TLN1: variants seen among roughly 807,000 people sequenced by gnomAD.
The protein encoded by TLN1 is talin 1.
Under a neutral mutation model 292.3 loss-of-function variants are expected in TLN1, and 56 were observed. That is an observed-to-expected ratio of 0.19 (90% CI 0.15 to 0.24). The LOEUF (loss-of-function observed/expected upper bound fraction) is 0.24. Ranked by LOEUF, TLN1 falls within the 10% of genes least tolerant of loss-of-function variation. TLN1 has a pLI of 1.00. For synonymous variants in TLN1, 1,119 were observed against 1,253.7 expected, an observed-to-expected ratio of 0.89 and a Z score of 2.27; for missense variants, 2,433 against 3,248.2, an observed-to-expected ratio of 0.75 and a Z score of 6.10.
rs1825656513 is a variant in TLN1, at chr9:35,710,892, T to C, written c.4114-6A>G. The C allele has an allele frequency of 6.2e-7, 1 of 1,614,124 alleles. No individual in the cohort carries two copies. Among genetic ancestry groups the C allele is most frequent in the African/African-American group, 1.3e-5 (1 of 75,024 alleles). ...TCCAGGAGTTCCCGGACCGTCTGTG[T>C]AGGGGGAGGGCAAAGTGAGATCCAA... On this transcript the variant is annotated splice_region_variant and splice_polypyrimidine_tract_variant and intron_variant, in intron 31 of 56. Coordinates refer to ENST00000314888, the MANE Select transcript of TLN1 (RefSeq NM_006289.4).
At chr9:35,708,005 A>T in intron 34 of TLN1, 113 bp from the exon 35 acceptor site, 1 of 1,255,760 alleles carries the variant, frequency 8.0e-7, no homozygotes, top group South Asian at 1.4e-5. Context: ...GAGTCAAAAC[A>T]GGAATAACAG....
Position 35,703,604 on chromosome 9 carries a change from G to C in TLN1, c.6430C>G (p.Arg2144Gly). 6.2e-7 allele frequency: 1 copy of C among 1,614,156 alleles called. No individual in the cohort carries two copies. Among genetic ancestry groups the C allele is most frequent in the Non-Finnish European group, 8.5e-7 (1 of 1,180,024 alleles). ...AVEDEATKGTRALEATTEHIR... is the reference protein window; with the variant it reads ...AVEDEATKGTGALEATTEHIR... ...TGTTCTGTGGTTGCCTCCAGGGCCC[G>C]AGTGCCTTTGGTGGCCTCATCTTCC... Residue 2144 changes from arginine (R) to glycine (G), a missense_variant, in exon 48 of 57, where the codon CGG (arginine) becomes GGG (glycine). Around this residue, in one of 7 missense-constraint regions of TLN1, gnomAD observed 1,384 missense variants for 1,699.6 expected, o/e 0.81. Transcript: ENST00000314888.
chr9:35,699,216 G>A lies in TLN1; in HGVS notation c.6875-60C>T, dbSNP rs1825421486. 8 of 1,577,066 alleles carry A rather than the reference G, an allele frequency of 5.1e-6. No individual in the cohort carries two copies. On this transcript the variant is annotated intron_variant, in intron 51 of 56. Transcript: ENST00000314888. The surrounding 1 kb of genome is among the most constrained non-coding windows in gnomAD (Gnocchi z 4.0). ...CAGAGTGGGGAGGTCAAAAGCACCA[G>A]GGAGCATGGTTAGTATCATCAGGCC... is the stretch of plus-strand genomic sequence containing the variant.
chr9:35,715,111 G>A lies in TLN1; in HGVS notation c.2702C>T (p.Thr901Ile), dbSNP rs1378368988. The part of the protein sequence containing the change: ...REAAEGLRMA[T>I]NAAAQNAIKK... ...GATGGCATTCTGCGCAGCTGCATTG[G>A]TGGCCATGCGCAGCCCCTCAGCTGC... is the stretch of plus-strand genomic sequence containing the variant. Residue 901 changes from threonine (T) to isoleucine (I), a missense_variant, in exon 21 of 57, where the codon ACC (threonine) becomes ATC (isoleucine). This residue lies in a region of TLN1 where 617 missense variants were observed against 770.6 expected (regional missense o/e 0.80). Transcript: ENST00000314888. 6.2e-7 allele frequency: 1 copy of A among 1,613,250 alleles called. No individual in the cohort carries two copies. Among genetic ancestry groups the A allele is most frequent in the South Asian group, 1.1e-5 (1 of 91,044 alleles).
In TLN1 at chr9:35,725,431, G is replaced by A. The variant is rs536192564; in HGVS notation, c.131-110C>T. 21 of 1,534,748 alleles carry A rather than the reference G, an allele frequency of 1.4e-5. No individual in the cohort carries two copies. The East Asian group carries it at 2.5e-4, about 18-fold the overall frequency. On this transcript the variant is annotated intron_variant, in intron 2 of 56. Coordinates refer to ENST00000314888, the MANE Select transcript of TLN1 (RefSeq NM_006289.4). ...TCCCATGACCTTGGGCCTAAAGAAC[G>A]AGGGAACCATGGAACACAGACCTGA...
At position 35,719,474 on chromosome 9, in the gene TLN1, A is replaced by G. The variant is rs371313852; in HGVS notation, c.1687+45T>C. Reference sequence around the variant, plus strand: ...CACATGCATGCCTGTGCACACTTGCACCCCCTCTCCCCATCACACACCCGG... The same window carrying G: ...CACATGCATGCCTGTGCACACTTGCGCCCCCTCTCCCCATCACACACCCGG... On this transcript the variant is annotated intron_variant, in intron 15 of 56. Transcript: ENST00000314888. This position sits in a 1 kb window ranked among gnomAD's most constrained non-coding sequence, Gnocchi z 4.6. The G allele has an allele frequency of 6.4e-7, 1 of 1,550,892 alleles. No individual in the cohort carries two copies. The highest frequency in any genetic ancestry group is 1.4e-5 in the African/African-American group (1 of 73,626).
At position 35,698,721 on chromosome 9, in the gene TLN1, C is replaced by G. The variant is rs752676112; in HGVS notation, c.7126-42G>C. ...AGCCTACTTAGACCTGCATTTTCCTCACTTCAAAGACTCGCTGGCTATGGA... is the reference window on the plus strand; with the variant it reads ...AGCCTACTTAGACCTGCATTTTCCTGACTTCAAAGACTCGCTGGCTATGGA... On this transcript the variant is annotated intron_variant, in intron 53 of 56. Coordinates refer to ENST00000314888, the MANE Select transcript of TLN1 (RefSeq NM_006289.4). This position sits in a 1 kb window ranked among gnomAD's most constrained non-coding sequence, Gnocchi z 5.3. The G allele has an allele frequency of 6.2e-7, 1 of 1,614,130 alleles. No individual in the cohort carries two copies. Among genetic ancestry groups the G allele is most frequent in the East Asian group, 2.2e-5 (1 of 44,882 alleles).
rs1313613425 is a variant in TLN1 at position 35,720,525 on chromosome 9, A to G, written c.1207-16T>C. On this transcript the variant is annotated splice_polypyrimidine_tract_variant and intron_variant, in intron 11 of 56. Transcript: ENST00000314888. The stretch of plus-strand genomic sequence containing the variant: ...TGCTTTTTTTCTGTAGGAAGGAAAA[A>G]GGAACAAGAGTTGGGATAGTTAAAG... 1.2e-6 allele frequency: 2 copies of G among 1,612,940 alleles called. No individual in the cohort carries two copies. The highest frequency in any genetic ancestry group is 1.1e-5 in the South Asian group (1 of 91,050).
chr9:35,726,687 T>G (rs1432100823), intron 1 of TLN1, among the ~76,000 whole-genome samples: 2 of 152,222 alleles, frequency 1.3e-5, no homozygotes, highest in Admixed American at 1.3e-4. Flanking sequence ...GCGGGGGCCT[T>G]CTGAAGGAGC....
chr9:35,710,785 G>C lies in TLN1; in HGVS notation c.4203+12C>G. On this transcript the variant is annotated intron_variant, in intron 32 of 56. Transcript: ENST00000314888. ...ACTGCCCTCTCTCCTCCGAGTTCCT[G>C]GCTGTGCTGACCTTTGAGTTCTCCA... is the stretch of plus-strand genomic sequence containing the variant. 1 of 1,614,154 alleles carries C rather than the reference G, an allele frequency of 6.2e-7. No individual in the cohort carries two copies. Among genetic ancestry groups the C allele is most frequent in the Non-Finnish European group, 8.5e-7 (1 of 1,179,988 alleles).
Position 35,707,732 on chromosome 9 carries a change from T to C in TLN1, c.4631A>G (p.Lys1544Arg), listed in dbSNP as rs1424133597. The C allele has an allele frequency of 3.1e-6, 5 of 1,614,020 alleles. No individual in the cohort carries two copies. The highest frequency in any genetic ancestry group is 1.7e-5 in the Admixed American group (1 of 60,006). ...GCTGGGAATTCAAGCAATGGGAACC[T>C]TGATGGTCTTGACAAGATTAGCTGT... The part of the protein sequence containing the change: ...NSTANLVKTI[K>R]ALDGAFTEEN... The change falls in exon 35 of 57, where the codon AAG becomes AGG. Residue 1544 changes from lysine to arginine, a missense_variant and splice_region_variant. Physicochemically the swap from Lys to Arg is conservative, Grantham distance 26 (BLOSUM62 2). Around this residue, in one of 7 missense-constraint regions of TLN1, gnomAD observed 1,384 missense variants for 1,699.6 expected, o/e 0.81. Coordinates refer to ENST00000314888, the MANE Select transcript of TLN1 (RefSeq NM_006289.4). The surrounding 1 kb of genome is among the most constrained non-coding windows in gnomAD (Gnocchi z 5.6).
chr9:35,713,378 G>A, intron 25 of TLN1, 80 bp from the exon 26 acceptor site: 1 of 1,160,678 alleles, frequency 8.6e-7, no homozygotes, highest in Non-Finnish European at 1.2e-6. Flanking sequence ...TTGGGGACAG[G>A]TGGCAATTTA....
Position 35,720,418 on chromosome 9 carries a change from C to G in TLN1, c.1283+15G>C. 1 of 1,613,800 alleles carries G rather than the reference C, an allele frequency of 6.2e-7. No individual in the cohort carries two copies. The highest frequency in any genetic ancestry group is 8.5e-7 in the Non-Finnish European group (1 of 1,179,784). On this transcript the variant is annotated intron_variant, in intron 12 of 56. Coordinates refer to ENST00000314888, the MANE Select transcript of TLN1 (RefSeq NM_006289.4). The stretch of plus-strand genomic sequence containing the variant: ...CTACCCCTGGGAAATGGGATCAGCC[C>G]AACTCCCTTCGTACTTTTTGGGGGA...
Position 35,718,873 on chromosome 9 carries a change from C to T in TLN1, c.1934G>A (p.Gly645Asp). The change falls in exon 17 of 57, where the codon GGC (glycine) becomes GAC (aspartate). Residue 645 changes from glycine to aspartate, a missense_variant. Around this residue, in one of 7 missense-constraint regions of TLN1, gnomAD observed 617 missense variants for 770.6 expected, o/e 0.80. Coordinates refer to ENST00000314888, the MANE Select transcript of TLN1 (RefSeq NM_006289.4). ...TTGCAACAGCTCCCCACTGGCCTGG[C>T]CCACGTTCCCAGCTGCTTGCAGCAG... The part of the protein sequence containing the change: ...QNLLQAAGNV[G>D]QASGELLQQI... 1 of 1,613,446 alleles carries T rather than the reference C, an allele frequency of 6.2e-7. No homozygotes were observed.
rs1351302669 is a variant in TLN1 at position 35,699,485 on chromosome 9, C to A, written c.6769-24G>T. ...GTCTGGGCAAGAAGCGGGCAGGGGACAAAGAGCATCACATCTTAGGGTCTA... is the reference window on the plus strand; with the variant it reads ...GTCTGGGCAAGAAGCGGGCAGGGGAAAAAGAGCATCACATCTTAGGGTCTA... On this transcript the variant is annotated intron_variant, in intron 50 of 56. Transcript: ENST00000314888. The surrounding 1 kb of genome is among the most constrained non-coding windows in gnomAD (Gnocchi z 4.0). 4 of 1,601,426 alleles carry A rather than the reference C, an allele frequency of 2.5e-6. No homozygotes were observed. The highest frequency in any genetic ancestry group is 1.3e-5 in the African/African-American group (1 of 74,826).
chr9:35,722,323 C>A, intron 8 of TLN1, 100 bp from the exon 9 acceptor site: 1 of 1,055,600 alleles, frequency 9.5e-7, no homozygotes, highest in Admixed American at 1.9e-5. Context: ...TATGGGGACA[C>A]TGGAAAGGTT....
At chr9:35,710,723 T>C (rs754487347) in intron 32 of TLN1, 40 bp from the exon 33 acceptor site, 1 of 1,613,452 alleles carries the variant, frequency 6.2e-7, no homozygotes, top group South Asian at 1.1e-5. Flanking sequence ...GAGCATGTCC[T>C]CAGAACCCCA....
At chr9:35,718,302 T>C (rs954756458) in intron 17 of TLN1, among the ~76,000 whole-genome samples, 1 of 152,016 alleles carries the variant, frequency 6.6e-6, no homozygotes, top group Non-Finnish European at 1.5e-5. Context: ...CAGAAACGAG[T>C]GTATGCGGCT....
chr9:35,711,706 C>A lies in TLN1; in HGVS notation c.3768G>T (p.Leu1256=). The change falls in exon 29 of 57, where the codon CTG becomes CTT. Residue 1256 remains leucine, a synonymous_variant. Coordinates refer to ENST00000314888, the MANE Select transcript of TLN1 (RefSeq NM_006289.4). ...GAGGGGTTCCCCGAGAGGCCTGCAC[C>A]AGTTCTGTGGCTGCCTGATTCAGCC... ...AAGLNQAATE[L]VQASRGTPQD... The A allele has an allele frequency of 6.2e-7, 1 of 1,614,144 alleles. No individual in the cohort carries two copies. Among genetic ancestry groups the A allele is most frequent in the Non-Finnish European group, 8.5e-7 (1 of 1,180,030 alleles).
Sources: allele counts gnomAD v4.1 joint callset (sites outside exome capture counted in the v4.1 genomes callset), GRCh38; gene constraint gnomAD v4.1.1; regional missense constraint gnomAD v4.1.1; non-coding constraint Gnocchi (gnomAD v3.1); transcripts MANE v1.5; gene names NCBI Gene and HGNC (gene_info 2026-07-23, HGNC 2026-07-21).